XPO5: variants seen among roughly 807,000 people sequenced by gnomAD.
XPO5 encodes the protein exportin 5, also known as exportin-5.
A neutral mutation model predicts 160.6 loss-of-function variants in XPO5; 46 were observed. The ratio of observed to expected loss-of-function variants is 0.29; its 90% CI spans 0.23 to 0.37. XPO5 has a LOEUF of 0.37. Among genes scored for constraint, XPO5 ranks in the 10% least tolerant of loss-of-function variants. The pLI, the probability that XPO5 is intolerant of heterozygous loss-of-function variation, is 1.00. For synonymous variants in XPO5, 537 were observed against 519.3 expected (o/e 1.03, Z -0.46); for missense variants, 1,090 against 1,463.9 (o/e 0.74, Z 4.17).
In XPO5 at chr6:43,531,780, G is replaced by A. The variant is rs148396706; in HGVS notation, c.2444-205C>T. Among the ~76,000 whole-genome samples, 246 of 151,942 alleles carry A rather than the reference G, an allele frequency of 1.6e-3. 1 individual carries two copies. The highest frequency in any genetic ancestry group is 5.5e-3 in the African/African-American group (226 of 41,296). ...CTTAAGGACCCAGGACTTTAGACCC[G>A]GGTACTCTTTTATCTGCTTTTTTTT... On this transcript the variant is annotated intron_variant, in intron 21 of 31. Coordinates refer to ENST00000265351, the MANE Select transcript of XPO5 (RefSeq NM_020750.3).
At position 43,522,335 on chromosome 6, in the gene XPO5, T is replaced by A. The variant is rs540714837; in HGVS notation, c.*1533A>T. The A allele has an allele frequency of 2.0e-5, 3 of 153,422 alleles. No homozygotes were observed. In the South Asian group the frequency reaches 6.0e-4, roughly 31 times the overall value. 9.5% of individuals were successfully genotyped at this position (153,422 alleles called of 1,614,324 possible). The stretch of plus-strand genomic sequence containing the variant: ...GGTTGAAAAAGGCAGATGGGTCCCT[T>A]TCTGTACGAAACTGAGATTTTTACT... On this transcript the variant is annotated 3_prime_UTR_variant, in exon 32 of 32. Transcript: ENST00000265351.
Position 43,523,620 on chromosome 6 carries a change from A to C in XPO5, c.*248T>G, listed in dbSNP as rs781563050. On this transcript the variant is annotated 3_prime_UTR_variant, in exon 32 of 32. Coordinates refer to ENST00000265351, the MANE Select transcript of XPO5 (RefSeq NM_020750.3). Reference sequence around the variant, plus strand: ...TTTTCTTGGAAAAGCCAAATCTCCAAGTAGAATGGGAACTATCTGGGACAT... The same window carrying C: ...TTTTCTTGGAAAAGCCAAATCTCCACGTAGAATGGGAACTATCTGGGACAT... 38 of 734,634 alleles carry C rather than the reference A, an allele frequency of 5.2e-5. No individual in the cohort carries two copies. Among genetic ancestry groups the C allele is most frequent in the Non-Finnish European group, 8.2e-5 (33 of 402,104 alleles). The allele number at this position is 734,634 out of a possible 1,614,324, so 45.5% of individuals were successfully genotyped here.
In XPO5 at chr6:43,523,271, A is replaced by C. The variant is rs1793310159; in HGVS notation, c.*597T>G. On this transcript the variant is annotated 3_prime_UTR_variant, in exon 32 of 32. Coordinates refer to ENST00000265351, the MANE Select transcript of XPO5 (RefSeq NM_020750.3). ...TGTGCCAAGTTTAGCAGTAGCCTGTACCATGGATCCCATCAGGTGACCAGA... is the reference window on the plus strand; with the variant it reads ...TGTGCCAAGTTTAGCAGTAGCCTGTCCCATGGATCCCATCAGGTGACCAGA... 4.5e-6 allele frequency: 1 copy of C among 224,236 alleles called. No individual in the cohort carries two copies. The highest frequency in any genetic ancestry group is 9.0e-6 in the Non-Finnish European group (1 of 111,502). The allele number at this position is 224,236 out of a possible 1,614,324, so 13.9% of individuals were successfully genotyped here. A position where few individuals can be genotyped will look rare whatever the true frequency, so the allele number is the denominator to read the frequency against.
chr6:43,569,931 A>G (rs956469895), intron 5 of XPO5, among the ~76,000 whole-genome samples: 1 of 151,048 alleles, frequency 6.6e-6, no homozygotes, highest in Non-Finnish European at 1.5e-5. Flanking sequence ...AAAAATACAA[A>G]AATTAGCCAG....
chr6:43,564,138 T>A (rs1762563637), intron 8 of XPO5, among the ~76,000 whole-genome samples: 1 of 152,014 alleles, frequency 6.6e-6, no homozygotes, highest in Non-Finnish European at 1.5e-5. Flanking sequence ...GCCAGGCTGG[T>A]CTTGAACTCC....
chr6:43,539,744 T>A, intron 20 of XPO5: 1 of 607,588 alleles, frequency 1.6e-6, no homozygotes, highest in South Asian at 2.0e-5. Context: ...TTTCTATTCT[T>A]GGGAATAGTT....
intron 12 of XPO5, among the ~76,000 whole-genome samples, chr6:43,557,369 T>C (rs1471575206): frequency 1.3e-5 from 2 of 151,302 alleles, no homozygotes; most frequent in East Asian, 3.9e-4. Flanking sequence ...GAGGTTGCAG[T>C]GAGCCGAGAT....
intron 21 of XPO5, chr6:43,533,213 T>TACACACACACACACACACACACAC (rs70990197): frequency 7.4e-6 from 1 of 135,126 alleles, no homozygotes; most frequent in Non-Finnish European, 1.6e-5. Flanking sequence ...GATACCTATC[T>TACACACACACACACACACACACAC]ACACACACAC....
intron 26 of XPO5, chr6:43,527,005 T>C (rs2127701032): frequency 4.2e-6 from 2 of 475,960 alleles, no homozygotes; most frequent in East Asian, 7.0e-5. Context: ...GAAAGGATGC[T>C]TGATACATCC....
At chr6:43,524,674 G>T in intron 30 of XPO5, 39 bp from the exon 31 acceptor site, 1 of 1,601,490 alleles carries the variant, frequency 6.2e-7, no homozygotes, top group Non-Finnish European at 8.5e-7. Context: ...ATGTAGGTTT[G>T]GATATTGCCA....
At chr6:43,529,069 A>T in intron 23 of XPO5, 144 bp from the exon 24 acceptor site, 2 of 1,107,886 alleles carry the variant, frequency 1.8e-6, no homozygotes. Flanking sequence ...AAAAAATCTT[A>T]AAGTTCTTTT....
intron 20 of XPO5, among the ~76,000 whole-genome samples, chr6:43,535,480 C>A (rs1277196016): frequency 6.6e-6 from 1 of 152,038 alleles, no homozygotes; most frequent in Non-Finnish European, 1.5e-5. Flanking sequence ...ATGGTAGCTA[C>A]AGGTTTAAGA....
At position 43,529,909 on chromosome 6, in the gene XPO5, C is replaced by CAA. The variant is rs1191727799; in HGVS notation, c.2677+777_2677+778dup. ...CCTGGGTAACACTGAGACCCTGTCT[C>CAA]AAAAAAAAAAAAAAAAAAGTGCTTC... On this transcript the variant is annotated intron_variant, in intron 23 of 31. Transcript: ENST00000265351. 1.5e-3 allele frequency among the ~76,000 whole-genome samples: 142 copies of CAA among 97,522 alleles called. 2 individuals are homozygous for CAA. The highest frequency in any genetic ancestry group is 2.8e-3 in the Admixed American group (26 of 9,236). 64.0% of individuals were successfully genotyped at this position (97,522 alleles called of 152,430 possible). A position where few individuals can be genotyped will look rare whatever the true frequency, so the allele number is the denominator to read the frequency against.
Position 43,524,948 on chromosome 6 carries a change from GAGCAGTGTCCCT to G in XPO5, c.3183_3194del (p.Gly1062_Leu1065del), listed in dbSNP as rs750054834. 5 of 1,613,560 alleles carry G rather than the reference GAGCAGTGTCCCT, an allele frequency of 3.1e-6. No homozygotes were observed. In the Admixed American group the frequency reaches 8.3e-5, roughly 27 times the overall value. On this transcript the variant is annotated inframe_deletion, in exon 30 of 32. Coordinates refer to ENST00000265351, the MANE Select transcript of XPO5 (RefSeq NM_020750.3). ...TGAAAAGCCACGTAACTGCATCTGC[GAGCAGTGTCCCT>G]GACAGCACCTGGGGAGACAACTGTG...
intron 20 of XPO5, among the ~76,000 whole-genome samples, chr6:43,535,797 G>C (rs113185283): frequency 2.2e-5 from 3 of 135,374 alleles, no homozygotes; most frequent in Admixed American, 7.7e-5. Flanking sequence ...CTGTGTGACA[G>C]AGCGAGACTC....
At chr6:43,564,879 C>T (rs576753528) in intron 8 of XPO5, among the ~76,000 whole-genome samples, 2 of 151,522 alleles carry the variant, frequency 1.3e-5, no homozygotes, top group South Asian at 2.1e-4. Context: ...GCTGAGGTTA[C>T]AAATGTTAGC....
Position 43,533,562 on chromosome 6 carries a change from A to G in XPO5, c.2443+345T>C, listed in dbSNP as rs374377258. The G allele has an allele frequency of 3.3e-3, 589 of 181,060 alleles. 3 individuals carry two copies. Among genetic ancestry groups the G allele is most frequent in the African/African-American group, 0.012 (522 of 42,532 alleles). The allele number at this position is 181,060 out of a possible 1,614,324, so 11.2% of individuals were successfully genotyped here. ...GCTGAAGCTGCTCAAGGAACCCATA[A>G]GAACGCCTGTAATCACTAGGATTCT... On this transcript the variant is annotated intron_variant, in intron 21 of 31. Coordinates refer to ENST00000265351, the MANE Select transcript of XPO5 (RefSeq NM_020750.3).
intron 5 of XPO5, 139 bp downstream of exon 5, chr6:43,570,363 A>G (rs1762952022): frequency 1.5e-6 from 1 of 645,370 alleles, no homozygotes; most frequent in Non-Finnish European, 2.3e-6. Flanking sequence ...TTTTTCTGTC[A>G]TTTCCTAGTT....
At chr6:43,562,081 C>G (rs1044293479) in intron 9 of XPO5, 166 bp downstream of exon 9, 8 of 509,836 alleles carry the variant, frequency 1.6e-5, no homozygotes, top group Non-Finnish European at 2.1e-5. Context: ...CACTCAAACA[C>G]TATTCTATTA....
Sources: allele counts gnomAD v4.1 joint callset (sites outside exome capture counted in the v4.1 genomes callset), GRCh38; gene constraint gnomAD v4.1.1; transcripts MANE v1.5; gene names NCBI Gene and HGNC (gene_info 2026-07-23, HGNC 2026-07-21).